Variants in CWH43 observed in about 807,000 individuals in gnomAD.
CWH43 encodes cell wall biogenesis 43 C-terminal homolog, also known as PGAP2-interacting protein.
Under a neutral mutation model 85.7 loss-of-function variants are expected in CWH43, and 91 were observed. The observed-to-expected ratio is 1.06, with a 90% confidence interval of 0.90 to 1.26. The LOEUF is 1.26. Ranked by LOEUF, CWH43 falls within the 50% of genes most tolerant of loss-of-function variation. The probability of loss-of-function intolerance (pLI) is 0.00; values close to 1 mark genes in which losing one functional copy is unlikely to be tolerated. For missense variants in CWH43, 869 were observed against 839.2 expected (o/e 1.04, Z -0.44); for synonymous variants, 323 against 293.6 (o/e 1.10, Z -1.02).
intron 5 of CWH43, among the ~76,000 whole-genome samples, chr4:48,995,325 G>A (rs1200315919): frequency 6.6e-5 from 10 of 152,126 alleles, no homozygotes; most frequent in African/African-American, 2.4e-4. Context: ...TCCAGCTGTG[G>A]GACAGGGTCA....
chr4:49,044,999 CA>C, intron 14 of CWH43, 152 bp downstream of exon 14: 1 of 616,678 alleles, frequency 1.6e-6, no homozygotes, highest in South Asian at 2.1e-5. Context: ...TTTGACTATA[CA>C]GTTTAACATC....
chr4:48,994,530 C>A (rs191449290), intron 4 of CWH43, 89 bp from the exon 5 acceptor site: 2 of 1,095,012 alleles, frequency 1.8e-6, no homozygotes, highest in Non-Finnish European at 2.7e-6. Context: ...AGCCAAATAC[C>A]ATTTCTTCCT....
At chr4:49,008,017 T>G (rs1213142838) in intron 8 of CWH43, among the ~76,000 whole-genome samples, 1 of 152,224 alleles carries the variant, frequency 6.6e-6, no homozygotes, top group Non-Finnish European at 1.5e-5. Context: ...AAATGGTATT[T>G]CTAGTTCTAG....
At chr4:49,004,036 A>G (rs1243254751) in intron 7 of CWH43, 44 bp downstream of exon 7, 2 of 1,548,704 alleles carry the variant, frequency 1.3e-6, no homozygotes, top group African/African-American at 1.4e-5. Flanking sequence ...TTGCTCAAAA[A>G]TATCCTTATG....
intron 8 of CWH43, among the ~76,000 whole-genome samples, chr4:49,009,546 C>T (rs1435330866): frequency 6.6e-6 from 1 of 152,122 alleles, no homozygotes; most frequent in Non-Finnish European, 1.5e-5. Flanking sequence ...GCATACTTGT[C>T]TTGTGCTGGT....
chr4:49,000,593 C>T (rs184397852), intron 6 of CWH43, among the ~76,000 whole-genome samples: 5 of 152,208 alleles, frequency 3.3e-5, no homozygotes, highest in Admixed American at 2.6e-4. Context: ...ATGCATTGAG[C>T]GTTTGTTCAG....
In CWH43 at chr4:48,986,789, C is replaced by A. The variant is rs962908778; in HGVS notation, c.43+317C>A. ...CGGCCTTGACCCCGCGCGGCCGGTA[C>A]CGTCCCCAAAGCCCCCCACCCGTGG... On this transcript the variant is annotated intron_variant, in intron 1 of 15. Transcript: ENST00000226432. The A allele has an allele frequency of 3.3e-6, 4 of 1,216,170 alleles. No homozygotes were observed. The African/African-American group carries it at 6.3e-5, about 19-fold the overall frequency. 75.3% of individuals were successfully genotyped at this position (1,216,170 alleles called of 1,614,324 possible).
chr4:49,030,882 A>G lies in CWH43; in HGVS notation c.1430A>G (p.Asn477Ser), dbSNP rs1219318451. ...SDASKPYMGN[N>S]DLTMWLGEKL... is the part of the protein sequence containing the mutation. ...GCTTCTAAGCCCTATATGGGGAACAATGACTTAACCATGTGGCTAGGGGAA... is the reference window on the plus strand; with the variant it reads ...GCTTCTAAGCCCTATATGGGGAACAGTGACTTAACCATGTGGCTAGGGGAA... Residue 477 changes from asparagine to serine, a missense_variant, in exon 11 of 16, where the codon AAT becomes AGT. Around this residue, in one of 3 missense-constraint regions of CWH43, gnomAD observed 577 missense variants for 513.1 expected, o/e 1.12. Coordinates refer to ENST00000226432, the MANE Select transcript of CWH43 (RefSeq NM_025087.3). The G allele has an allele frequency of 1.9e-6, 3 of 1,610,914 alleles. No individual in the cohort carries two copies. Among genetic ancestry groups the G allele is most frequent in the Admixed American group, 1.7e-5 (1 of 59,442 alleles).
chr4:49,037,129 A>G (rs969247809), intron 12 of CWH43, among the ~76,000 whole-genome samples: 2 of 152,144 alleles, frequency 1.3e-5, no homozygotes, highest in African/African-American at 4.8e-5. Flanking sequence ...TGGATCATGT[A>G]AAATATGATG....
intron 4 of CWH43, 51 bp from the exon 5 acceptor site, chr4:48,994,568 C>T: frequency 1.3e-6 from 2 of 1,498,496 alleles, no homozygotes; most frequent in Non-Finnish European, 9.2e-7. Flanking sequence ...ATATAGAGCG[C>T]AAATTTCCAT....
chr4:49,003,818 TC>T lies in CWH43; in HGVS notation c.888del (p.Met297CysfsTer20). The T allele has an allele frequency of 6.2e-7, 1 of 1,614,042 alleles. No individual in the cohort carries two copies. The highest frequency in any genetic ancestry group is 1.1e-5 in the South Asian group (1 of 91,088). The part of the protein sequence containing the change: ...SGCVFAIFTA[S>X]MWPQTLGHLI... Reference sequence around the variant, plus strand: ...CTGTGTCTTCGCCATCTTTACTGCATCCATGTGGCCCCAAACACTTGGACAC... The same window carrying T: ...CTGTGTCTTCGCCATCTTTACTGCATCATGTGGCCCCAAACACTTGGACAC... On this transcript the variant is annotated frameshift_variant, in exon 7 of 16. Transcript: ENST00000226432. LOFTEE classifies it high-confidence loss of function.
At chr4:49,010,085 G>A (rs1182708560) in intron 8 of CWH43, among the ~76,000 whole-genome samples, 1 of 152,068 alleles carries the variant, frequency 6.6e-6, no homozygotes, top group Non-Finnish European at 1.5e-5. Context: ...GGTAGAATTC[G>A]GCTGTGAATC....
At chr4:48,986,564 G>T in intron 1 of CWH43, 92 bp downstream of exon 1, 1 of 1,536,394 alleles carries the variant, frequency 6.5e-7, no homozygotes, top group Non-Finnish European at 8.8e-7. Flanking sequence ...GCTGAGTTCA[G>T]GTAGGAGGAA....
intron 6 of CWH43, among the ~76,000 whole-genome samples, chr4:49,000,256 CCG>C (rs1577659380): frequency 6.6e-6 from 1 of 152,108 alleles, no homozygotes; most frequent in East Asian, 1.9e-4. Context: ...ACCGTAAGTG[CCG>C]TCACATTTGC....
At chr4:49,039,033 G>C (rs1784351857) in intron 13 of CWH43, among the ~76,000 whole-genome samples, 1 of 150,380 alleles carries the variant, frequency 6.6e-6, no homozygotes, top group Non-Finnish European at 1.5e-5. Flanking sequence ...ACTCCAGCCT[G>C]GGTGACAGAG....
intron 9 of CWH43, among the ~76,000 whole-genome samples, chr4:49,020,416 C>CACACACACACAT (rs140534523): frequency 1.2e-3 from 156 of 128,388 alleles, no homozygotes; most frequent in African/African-American, 3.3e-3. Flanking sequence ...CACACACACA[C>CACACACACACAT]ATATATATAT....
intron 15 of CWH43, among the ~76,000 whole-genome samples, chr4:49,051,292 T>C (rs1784789942): frequency 1.3e-5 from 2 of 152,164 alleles, no homozygotes. Flanking sequence ...TGGGGTCACA[T>C]GGCTAGTGAG....
chr4:49,041,025 G>C (rs1457124237), intron 13 of CWH43, among the ~76,000 whole-genome samples: 5 of 152,094 alleles, frequency 3.3e-5, no homozygotes, highest in Non-Finnish European at 7.4e-5. Context: ...GCTTGTTTTT[G>C]TCAGGTTTGT....
intron 8 of CWH43, among the ~76,000 whole-genome samples, chr4:49,013,074 G>T (rs1195985441): frequency 6.6e-6 from 1 of 152,248 alleles, no homozygotes; most frequent in Non-Finnish European, 1.5e-5. Context: ...CCTGCCTTTT[G>T]TTCAGCTATG....
Sources: allele counts gnomAD v4.1 joint callset (sites outside exome capture counted in the v4.1 genomes callset), GRCh38; gene constraint gnomAD v4.1.1; regional missense constraint gnomAD v4.1.1; transcripts MANE v1.5; gene names NCBI Gene and HGNC (gene_info 2026-07-23, HGNC 2026-07-21).